CLEC1A: variants seen among roughly 807,000 people sequenced by gnomAD.
CLEC1A encodes the protein C-type lectin-like receptor-1.
In CLEC1A, 34 loss-of-function variants were observed where a neutral mutation model predicts 28.7. That is an observed-to-expected ratio of 1.18 (90% CI 0.90 to 1.57). The LOEUF is 1.57. CLEC1A is among the 40% of genes most tolerant of loss of function. CLEC1A has a pLI of 0.00. For synonymous variants in CLEC1A, 116 were observed against 121.0 expected (o/e 0.96, Z 0.27); for missense variants, 385 against 339.5 (o/e 1.13, Z -1.05).
At chr12:10,077,659 A>T (rs1391047509) in intron 3 of CLEC1A, among the ~76,000 whole-genome samples, 1 of 152,222 alleles carries the variant, frequency 6.6e-6, no homozygotes, top group African/African-American at 2.4e-5. Flanking sequence ...AGGATCAATA[A>T]ACAATAATGT....
chr12:10,097,364 C>T (rs890906066), intron 1 of CLEC1A, among the ~76,000 whole-genome samples: 1 of 152,166 alleles, frequency 6.6e-6, no homozygotes, highest in Non-Finnish European at 1.5e-5. Flanking sequence ...TTATTTTTAT[C>T]AGCGAAGGTA....
At position 10,073,284 on chromosome 12, in the gene CLEC1A, A is replaced by G; in HGVS notation, c.662+9T>C. On this transcript the variant is annotated intron_variant, in intron 5 of 5. Coordinates refer to ENST00000315330, the MANE Select transcript of CLEC1A (RefSeq NM_016511.4). ...AATGCCTTTCCCATAAAATATCCTG[A>G]AGGCTTACAGTTCAGAAGTGAAAGG... 1 of 1,587,176 alleles carries G rather than the reference A, an allele frequency of 6.3e-7. No individual in the cohort carries two copies. Among genetic ancestry groups the G allele is most frequent in the Non-Finnish European group, 8.6e-7 (1 of 1,157,080 alleles).
intron 2 of CLEC1A, among the ~76,000 whole-genome samples, chr12:10,087,472 TTATATATATATATATATATA>T (rs200437169): frequency 0.024 from 1,782 of 75,206 alleles, 83 homozygotes; most frequent in African/African-American, 0.1. Context: ...TACCTCAAAG[TTATATATATATATATATATA>T]TATATATATA....
At position 10,075,506 on chromosome 12, in the gene CLEC1A, G is replaced by A. The variant is rs1866231351; in HGVS notation, c.541C>T (p.Leu181=). 1 of 1,613,598 alleles carries A rather than the reference G, an allele frequency of 6.2e-7. No homozygotes were observed. Among genetic ancestry groups the A allele is most frequent in the South Asian group, 1.1e-5 (1 of 91,024 alleles). Residue 181 remains leucine, a splice_region_variant and synonymous_variant, in exon 4 of 6, where the codon CTG becomes TTG. Transcript: ENST00000315330. ...ATTGAAAAGCCTCAGAATCTTACCA[G>A]GTCTTCTTGTTTGTTTATCTTCAGC... is the stretch of plus-strand genomic sequence containing the variant. ...TMLKINKQED[L]EFAASQSYSE...
chr12:10,096,566 C>A (rs1489015814), intron 1 of CLEC1A, among the ~76,000 whole-genome samples: 2 of 152,118 alleles, frequency 1.3e-5, no homozygotes, highest in Non-Finnish European at 2.9e-5. Flanking sequence ...CTATCTAAAT[C>A]CTGCATTGAC....
At position 10,071,451 on chromosome 12, in the gene CLEC1A, C is replaced by A; in HGVS notation, c.725G>T (p.Gly242Val). The change falls in exon 6 of 6, where the codon GGG becomes GTG. Residue 242 changes from glycine to valine, a missense_variant. Physicochemically the swap from Gly to Val is moderately radical, Grantham distance 109. Transcript: ENST00000315330. Reference protein sequence around the residue: ...RSRDCVAILNGMIFSKDCKEL... With the variant: ...RSRDCVAILNVMIFSKDCKEL... ...TTTGCAGTCCTTTGAGAAGATCATC[C>A]CATTAAGGATGGCCACACAGTCTCT... 6.2e-7 allele frequency: 1 copy of A among 1,613,782 alleles called. No homozygotes were observed. Among genetic ancestry groups the A allele is most frequent in the Non-Finnish European group, 8.5e-7 (1 of 1,179,794 alleles).
intron 3 of CLEC1A, among the ~76,000 whole-genome samples, chr12:10,077,595 C>A (rs1866278122): frequency 6.6e-6 from 1 of 152,030 alleles, no homozygotes; most frequent in Admixed American, 6.6e-5. Flanking sequence ...ACTCTCTTTA[C>A]CTATAAATTA....
intron 2 of CLEC1A, among the ~76,000 whole-genome samples, chr12:10,086,241 A>G (rs1031767013): frequency 1.8e-4 from 28 of 152,322 alleles, no homozygotes; most frequent in African/African-American, 6.7e-4. Context: ...AAATGTCTGA[A>G]AAACCACAAA....
intron 5 of CLEC1A, among the ~76,000 whole-genome samples, chr12:10,071,741 C>T (rs991326425): frequency 1.3e-5 from 2 of 152,168 alleles, no homozygotes; most frequent in Non-Finnish European, 2.9e-5. Context: ...TAAAGCGAAG[C>T]TACGTGTTCT....
rs766864917 is a variant in CLEC1A, at chr12:10,089,141, G to A, written c.197C>T (p.Ala66Val). 3.7e-6 allele frequency: 6 copies of A among 1,613,706 alleles called. No homozygotes were observed. Among genetic ancestry groups the A allele is most frequent in the Non-Finnish European group, 5.1e-6 (6 of 1,179,740 alleles). Residue 66 changes from alanine to valine, a missense_variant, in exon 2 of 6, where the codon GCA becomes GTA. Physicochemically the swap from Ala to Val is moderately conservative, Grantham distance 64. Coordinates refer to ENST00000315330, the MANE Select transcript of CLEC1A (RefSeq NM_016511.4). Reference protein sequence around the residue: ...TLCLVLLIGLAALGLLFFQYY... With the variant: ...TLCLVLLIGLVALGLLFFQYY... ...AGACTTACACAAAAGCCCCAGGGCT[G>A]CCAGCCCTATCAGCAGCACCAAGCA...
intron 2 of CLEC1A, among the ~76,000 whole-genome samples, chr12:10,083,466 T>A (rs1267328118): frequency 1.3e-5 from 2 of 152,200 alleles, no homozygotes; most frequent in African/African-American, 2.4e-5. Context: ...AACTTATTTA[T>A]GGTTTTCTTT....
chr12:10,097,757 T>C (rs1388731677), intron 1 of CLEC1A, among the ~76,000 whole-genome samples: 1 of 152,168 alleles, frequency 6.6e-6, no homozygotes, highest in African/African-American at 2.4e-5. Flanking sequence ...GCCGTAAAAA[T>C]GGACTCTTCG....
chr12:10,081,149 A>G, intron 3 of CLEC1A, 88 bp downstream of exon 3: 2 of 1,200,524 alleles, frequency 1.7e-6, no homozygotes, highest in Non-Finnish European at 2.3e-6. Context: ...CTCTAGTTAA[A>G]TAATACTTGA....
chr12:10,081,174 G>A (rs772419673), intron 3 of CLEC1A, 63 bp downstream of exon 3: 33 of 1,376,524 alleles, frequency 2.4e-5, no homozygotes, highest in East Asian at 7.4e-5. Flanking sequence ...CACTTTCACC[G>A]GCGGGAAATC....
intron 2 of CLEC1A, among the ~76,000 whole-genome samples, chr12:10,082,237 C>A (rs933702154): frequency 6.6e-6 from 1 of 151,856 alleles, no homozygotes; most frequent in Non-Finnish European, 1.5e-5. Context: ...TGGGGAGCGG[C>A]GTGGCCTGAA....
At chr12:10,096,530 T>G (rs11053577) in intron 1 of CLEC1A, among the ~76,000 whole-genome samples, 2 of 151,962 alleles carry the variant, frequency 1.3e-5, no homozygotes, top group African/African-American at 4.8e-5. Flanking sequence ...GGAAGGTCTT[T>G]CCAAAATGCA....
chr12:10,077,517 T>A (rs758946629), intron 3 of CLEC1A, among the ~76,000 whole-genome samples: 2 of 152,140 alleles, frequency 1.3e-5, no homozygotes, highest in African/African-American at 2.4e-5. Flanking sequence ...AAATGTTTTG[T>A]CCATGGCATA....
Position 10,087,524 on chromosome 12 carries a change from T to TG in CLEC1A, c.214+1599_214+1600insC, listed in dbSNP as rs1464516438. On this transcript the variant is annotated intron_variant, in intron 2 of 5. Coordinates refer to ENST00000315330, the MANE Select transcript of CLEC1A (RefSeq NM_016511.4). ...TATATATATATATATATATATTTGT[T>TG]TTTTTTTTTTTTAGACAGAGTCTCA... Among the ~76,000 whole-genome samples the TG allele has an allele frequency of 8.3e-5, 10 of 119,832 alleles. 1 individual carries two copies. The highest frequency in any genetic ancestry group is 1.4e-4 in the Non-Finnish European group (8 of 56,450). The allele number at this position is 119,832 out of a possible 152,430, so 78.6% of individuals were successfully genotyped here.
intron 3 of CLEC1A, among the ~76,000 whole-genome samples, chr12:10,080,507 T>A (rs984409939): frequency 2.0e-5 from 3 of 152,132 alleles, no homozygotes; most frequent in African/African-American, 7.2e-5. Flanking sequence ...TGAGGAGACT[T>A]TGCCCTCCTT....
Sources: allele counts gnomAD v4.1 joint callset (sites outside exome capture counted in the v4.1 genomes callset), GRCh38; gene constraint gnomAD v4.1.1; transcripts MANE v1.5; gene names NCBI Gene and HGNC (gene_info 2026-07-23, HGNC 2026-07-21).